Variants in VPS53 observed in about 807,000 individuals in gnomAD.
VPS53 encodes the protein vacuolar protein sorting-associated protein 53 homolog.
A neutral mutation model predicts 107.0 loss-of-function variants in VPS53; 70 were observed. That is an observed-to-expected ratio of 0.65 (90% CI 0.54 to 0.80). The LOEUF (loss-of-function observed/expected upper bound fraction) is 0.80. VPS53 is among the 30% of genes least tolerant of loss of function. The pLI is 0.00. For synonymous variants in VPS53, 409 were observed against 393.3 expected, an observed-to-expected ratio of 1.04 and a Z score of -0.47; for missense variants, 917 against 1,049.4, an observed-to-expected ratio of 0.87 and a Z score of 1.74.
chr17:575,793 C>A (rs1352471127), intron 13 of VPS53, among the ~76,000 whole-genome samples: 1 of 149,258 alleles, frequency 6.7e-6, no homozygotes, highest in Non-Finnish European at 1.5e-5. Flanking sequence ...GAACCTAATG[C>A]GGTCCCAGAA....
intron 13 of VPS53, among the ~76,000 whole-genome samples, chr17:565,393 A>T (rs1217439528): frequency 7.3e-6 from 1 of 136,172 alleles, no homozygotes; most frequent in African/African-American, 2.9e-5. Context: ...ACAAGAGCGA[A>T]ACCCCATCTC....
At chr17:669,202 T>A (rs1971828945) in intron 4 of VPS53, among the ~76,000 whole-genome samples, 1 of 152,144 alleles carries the variant, frequency 6.6e-6, no homozygotes, top group South Asian at 2.1e-4. Context: ...AAGTTAAGGT[T>A]TTTTTAAGAA....
intron 4 of VPS53, among the ~76,000 whole-genome samples, chr17:688,015 G>C (rs372711566): frequency 6.6e-6 from 1 of 152,124 alleles, no homozygotes; most frequent in East Asian, 1.9e-4. Context: ...ACTGTACATA[G>C]AGGAGAGAAG....
chr17:644,745 G>C (rs962520549), intron 7 of VPS53, among the ~76,000 whole-genome samples: 21 of 152,116 alleles, frequency 1.4e-4, no homozygotes, highest in Admixed American at 4.6e-4. Context: ...CACCACACCA[G>C]CTCACTTTTT....
At chr17:618,651 C>T (rs1057138209) in intron 11 of VPS53, among the ~76,000 whole-genome samples, 3 of 151,280 alleles carry the variant, frequency 2.0e-5, no homozygotes, top group Non-Finnish European at 2.9e-5. Flanking sequence ...CAGGTGCCCA[C>T]GACACCTGCT....
chr17:670,929 T>C (rs940338785), intron 4 of VPS53, among the ~76,000 whole-genome samples: 5 of 152,188 alleles, frequency 3.3e-5, no homozygotes, highest in East Asian at 1.9e-4. Context: ...TTTTCTATTA[T>C]ATGGAAAAGC....
At chr17:647,033 A>T (rs1471476976) in intron 7 of VPS53, among the ~76,000 whole-genome samples, 1 of 152,216 alleles carries the variant, frequency 6.6e-6, no homozygotes, top group Non-Finnish European at 1.5e-5. Flanking sequence ...TAAAAAATAA[A>T]TTATTTAGCA....
At chr17:603,765 C>T (rs1241816073) in intron 11 of VPS53, among the ~76,000 whole-genome samples, 1 of 152,136 alleles carries the variant, frequency 6.6e-6, no homozygotes, top group African/African-American at 2.4e-5. Context: ...ATGTACAGCT[C>T]TTGTTAGAAA....
At chr17:580,592 T>C (rs1978963) in intron 13 of VPS53, among the ~76,000 whole-genome samples, 77,263 of 145,728 alleles carry the variant, frequency 0.53, 20,959 homozygotes, top group African/African-American at 0.7. Flanking sequence ...GGACCTAATG[T>C]GTTCCCAGGG....
At chr17:612,580 A>G (rs919116302) in intron 11 of VPS53, among the ~76,000 whole-genome samples, 2 of 151,306 alleles carry the variant, frequency 1.3e-5, no homozygotes, top group Non-Finnish European at 2.9e-5. Flanking sequence ...TCACAGCAGT[A>G]ATCAAATAGT....
At chr17:711,081 C>A (rs1203261701) in intron 1 of VPS53, among the ~76,000 whole-genome samples, 4 of 152,088 alleles carry the variant, frequency 2.6e-5, no homozygotes, top group East Asian at 1.9e-4. Flanking sequence ...ATGGCACATG[C>A]CTGTCATAGT....
At chr17:625,498 C>G (rs917426216) in intron 10 of VPS53, among the ~76,000 whole-genome samples, 1 of 147,820 alleles carries the variant, frequency 6.8e-6, no homozygotes, top group Non-Finnish European at 1.5e-5. Flanking sequence ...AAAAGCCACA[C>G]AGAATGTATG....
chr17:606,306 T>C (rs1198394569), intron 11 of VPS53, among the ~76,000 whole-genome samples: 2 of 152,138 alleles, frequency 1.3e-5, no homozygotes, highest in Non-Finnish European at 2.9e-5. Flanking sequence ...ACAGGCTCCG[T>C]ATCTGACAGA....
Position 662,834 on chromosome 17 carries a change from A to AAAGAAAGGAAGGAAGGAAGG in VPS53, c.286-940_286-939insCCTTCCTTCCTTCCTTTCTT, listed in dbSNP as rs1971515638. On this transcript the variant is annotated intron_variant, in intron 4 of 21. Coordinates refer to ENST00000437048, the MANE Select transcript of VPS53 (RefSeq NM_001128159.3). ...AAAAGAAAGAAAGAGAAAGAGAAAG[A>AAAGAAAGGAAGGAAGGAAGG]AAGGAAGGAAGGAAGGAAGGAAGGA... Among the ~76,000 whole-genome samples, 9 of 121,164 alleles carry AAAGAAAGGAAGGAAGGAAGG rather than the reference A, an allele frequency of 7.4e-5. No individual in the cohort carries two copies. The East Asian group carries it at 2.3e-3, about 31-fold the overall frequency. The allele number at this position is 121,164 out of a possible 152,430, so 79.5% of individuals were successfully genotyped here.
chr17:661,761 T>C, intron 5 of VPS53, 48 bp downstream of exon 5: 1 of 1,520,816 alleles, frequency 6.6e-7, no homozygotes, highest in Non-Finnish European at 8.9e-7. Context: ...GATGAGAAGC[T>C]CACTTCCTCT....
Position 683,390 on chromosome 17 carries a change from A to G in VPS53, c.285+14028T>C, listed in dbSNP as rs73283505. On this transcript the variant is annotated intron_variant, in intron 4 of 21. Coordinates refer to ENST00000437048, the MANE Select transcript of VPS53 (RefSeq NM_001128159.3). ...AGTACTAAAAAAAAATAAAACAACA[A>G]AACTGCCAACCTAGAGTCCTAAACC... 1.0e-2 allele frequency among the ~76,000 whole-genome samples: 1,516 copies of G among 152,306 alleles called. 25 individuals are homozygous for G. The highest frequency in any genetic ancestry group is 0.034 in the African/African-American group (1,417 of 41,558).
chr17:592,963 A>G (rs1967747458), intron 12 of VPS53, among the ~76,000 whole-genome samples: 1 of 152,152 alleles, frequency 6.6e-6, no homozygotes, highest in Admixed American at 6.5e-5. Flanking sequence ...GTTCTCCTGG[A>G]TAGATCAATG....
chr17:635,025 G>C (rs563781254), intron 7 of VPS53, among the ~76,000 whole-genome samples: 1 of 152,158 alleles, frequency 6.6e-6, no homozygotes, highest in Non-Finnish European at 1.5e-5. Context: ...GTGTAAAATT[G>C]TTCCTATTTC....
intron 11 of VPS53, among the ~76,000 whole-genome samples, chr17:622,045 C>G (rs1292499241): frequency 6.6e-6 from 1 of 151,974 alleles, no homozygotes; most frequent in South Asian, 2.1e-4. Flanking sequence ...AACCCCGTCT[C>G]TACTAAAAAT....
Sources: allele counts gnomAD v4.1 joint callset (sites outside exome capture counted in the v4.1 genomes callset), GRCh38; gene constraint gnomAD v4.1.1; transcripts MANE v1.5; gene names NCBI Gene and HGNC (gene_info 2026-07-23, HGNC 2026-07-21).